Variants in PIK3CA observed in about 807,000 individuals in gnomAD.
The protein encoded by PIK3CA is phosphatidylinositol 4,5-bisphosphate 3-kinase catalytic subunit alpha isoform.
Under a neutral mutation model 138.2 loss-of-function variants are expected in PIK3CA, and 27 were observed. The observed-to-expected ratio is 0.20, with a 90% CI of 0.14 to 0.27. The LOEUF (loss-of-function observed/expected upper bound fraction) is 0.27, where lower values mean the gene tolerates loss of function less well. PIK3CA is among the 10% of genes least tolerant of loss of function. The pLI is 1.00. For missense variants in PIK3CA, 544 were observed against 1,277.4 expected, an observed-to-expected ratio of 0.43 and a Z score of 8.75; for synonymous variants, 358 against 413.2, an observed-to-expected ratio of 0.87 and a Z score of 1.62.
intron 7 of PIK3CA, among the ~76,000 whole-genome samples, chr3:179,209,964 A>G (rs1724666268): frequency 6.6e-6 from 1 of 152,142 alleles, no homozygotes; most frequent in African/African-American, 2.4e-5. Context: ...CAAATATCTC[A>G]TGCTTGCTTT....
At position 179,235,176 on chromosome 3, in the gene PIK3CA, G is replaced by A. The variant is rs1725309041; in HGVS notation, c.*812G>A. 5.4e-6 allele frequency: 1 copy of A among 185,914 alleles called. No homozygotes were observed. Among genetic ancestry groups the A allele is most frequent in the South Asian group, 2.0e-4 (1 of 5,074 alleles). 11.5% of individuals were successfully genotyped at this position (185,914 alleles called of 1,614,324 possible). A position where few individuals can be genotyped will look rare whatever the true frequency, so the allele number is the denominator to read the frequency against. On this transcript the variant is annotated 3_prime_UTR_variant, in exon 21 of 21. Transcript: ENST00000263967. The stretch of plus-strand genomic sequence containing the variant: ...ATGAGCAGGAATAGTTCTTATTCCA[G>A]AATTGTACAGTATTCACCTTAAGTT...
intron 10 of PIK3CA, among the ~76,000 whole-genome samples, chr3:179,218,962 A>G (rs545070460): frequency 6.6e-6 from 1 of 152,218 alleles, no homozygotes; most frequent in South Asian, 2.1e-4. Flanking sequence ...GTAAGTACTT[A>G]TAATCCATTT....
chr3:179,209,741 A>G (rs768261379), intron 7 of PIK3CA, 41 bp downstream of exon 7: 2 of 1,161,718 alleles, frequency 1.7e-6, no homozygotes, highest in South Asian at 2.9e-5. Flanking sequence ...TACCTTTAAA[A>G]ACTCCTGATT....
intron 9 of PIK3CA, among the ~76,000 whole-genome samples, chr3:179,213,684 T>C (rs778107439): frequency 3.3e-5 from 5 of 152,244 alleles, no homozygotes; most frequent in Non-Finnish European, 7.3e-5. Context: ...TCTCAAAACC[T>C]GACGTTACAG....
chr3:179,178,618 G>A (rs1253848180), intron 1 of PIK3CA, among the ~76,000 whole-genome samples: 1 of 152,152 alleles, frequency 6.6e-6, no homozygotes, highest in African/African-American at 2.4e-5. Flanking sequence ...TAATGTGTCA[G>A]GAGGTTCCCA....
At chr3:179,190,159 G>A (rs538316149) in intron 1 of PIK3CA, among the ~76,000 whole-genome samples, 2 of 152,086 alleles carry the variant, frequency 1.3e-5, no homozygotes, top group African/African-American at 2.4e-5. Flanking sequence ...TTAACCATCC[G>A]TTTCCTACTA....
At chr3:179,149,069 C>T (rs974979653) in intron 1 of PIK3CA, among the ~76,000 whole-genome samples, 15 of 152,148 alleles carry the variant, frequency 9.9e-5, no homozygotes, top group African/African-American at 3.6e-4. Context: ...GGACTCCGGC[C>T]CCGCCAGCCT....
rs9833206 is a variant in PIK3CA, at chr3:179,203,959, C to A, written c.1059+170C>A. On this transcript the variant is annotated intron_variant, in intron 5 of 20. Transcript: ENST00000263967. ...AGAATTTTACTTGAGCTTCCATCTACCTTAGCTATTATACAGCTCACAGTC... is the reference window on the plus strand; with the variant it reads ...AGAATTTTACTTGAGCTTCCATCTAACTTAGCTATTATACAGCTCACAGTC... 0.1 allele frequency among the ~76,000 whole-genome samples: 15,285 copies of A among 152,166 alleles called. 1,191 individuals are homozygous for A. Among genetic ancestry groups the A allele is most frequent in the African/African-American group, 0.21 (8,754 of 41,462 alleles).
rs200576034 is a variant in PIK3CA at position 179,210,517 on chromosome 3, T to C, written c.1491T>C (p.Asn497=). 3.7e-6 allele frequency: 6 copies of C among 1,614,060 alleles called. 1 individual carries two copies. The highest frequency in any genetic ancestry group is 3.3e-5 in the Admixed American group (2 of 60,020). Residue 497 remains asparagine (N), a synonymous_variant, in exon 9 of 21, where the codon AAT becomes AAC. Transcript: ENST00000263967. ...PDMSVIEEHA[N]WSVSREAGFS... The stretch of plus-strand genomic sequence containing the variant: ...TGTCAGTGATTGAAGAGCATGCCAA[T>C]TGGTCTGTATCCCGAGAAGCAGGAT...
chr3:179,148,171 G>GC (rs1306972199), upstream of PIK3CA: 1 of 123,630 alleles, frequency 8.1e-6, no homozygotes, highest in Admixed American at 7.7e-5. Context: ...TGCCGGAGGA[G>GC]GGGGGGGGCC....
At chr3:179,158,462 T>C (rs1723193793) in intron 1 of PIK3CA, among the ~76,000 whole-genome samples, 1 of 152,072 alleles carries the variant, frequency 6.6e-6, no homozygotes, top group African/African-American at 2.4e-5. Flanking sequence ...GCAGTTTTGT[T>C]TTGTGCTGTT....
In PIK3CA at chr3:179,218,553, T is replaced by C. The variant is rs189214375; in HGVS notation, c.1664+219T>C. Among the ~76,000 whole-genome samples, 63 of 152,196 alleles carry C rather than the reference T, an allele frequency of 4.1e-4. 1 individual carries two copies. Among genetic ancestry groups the C allele is most frequent in the African/African-American group, 1.4e-3 (59 of 41,588 alleles). On this transcript the variant is annotated intron_variant, in intron 10 of 20. Transcript: ENST00000263967. Reference sequence around the variant, plus strand: ...CATTGGTAGTTGGCACATTAAATGCTTTTTCTTACTCTGAATTCCTGATAT... The same window carrying C: ...CATTGGTAGTTGGCACATTAAATGCCTTTTCTTACTCTGAATTCCTGATAT...
intron 6 of PIK3CA, among the ~76,000 whole-genome samples, chr3:179,208,149 A>C (rs1033051190): frequency 3.9e-5 from 6 of 152,198 alleles, no homozygotes; most frequent in African/African-American, 1.4e-4. Context: ...TCTTGTTTCT[A>C]TAAATAGACC....
At chr3:179,171,026 G>A (rs1207113847) in intron 1 of PIK3CA, among the ~76,000 whole-genome samples, 4 of 152,102 alleles carry the variant, frequency 2.6e-5, no homozygotes, top group Non-Finnish European at 5.9e-5. Context: ...TAGCCAGGGT[G>A]AATAGTATAC....
chr3:179,217,911 ATC>A (rs1454926248), intron 9 of PIK3CA, among the ~76,000 whole-genome samples: 2 of 152,066 alleles, frequency 1.3e-5, no homozygotes, highest in Non-Finnish European at 2.9e-5. Context: ...GTTCACTACC[ATC>A]CTCTAGTATC....
intron 1 of PIK3CA, among the ~76,000 whole-genome samples, chr3:179,185,820 C>T (rs1199896247): frequency 6.6e-6 from 1 of 152,226 alleles, no homozygotes; most frequent in Non-Finnish European, 1.5e-5. Context: ...TGTGGAGCTT[C>T]TGTGCCCTCT....
At chr3:179,152,903 C>G (rs187077650) in intron 1 of PIK3CA, among the ~76,000 whole-genome samples, 2 of 152,152 alleles carry the variant, frequency 1.3e-5, no homozygotes, top group East Asian at 1.9e-4. Flanking sequence ...TAGCAAGTGC[C>G]AAACTATTCA....
intron 1 of PIK3CA, among the ~76,000 whole-genome samples, chr3:179,155,234 G>A (rs1017938160): frequency 1.5e-4 from 23 of 152,202 alleles, no homozygotes; most frequent in African/African-American, 5.5e-4. Context: ...ACAATGTTGT[G>A]TTTATTGTAT....
At position 179,239,090 on chromosome 3, in the gene PIK3CA, T is replaced by A. The variant is rs966898491; in HGVS notation, c.*4726T>A. The A allele has an allele frequency of 4.6e-6, 1 of 216,362 alleles. No individual in the cohort carries two copies. The highest frequency in any genetic ancestry group is 9.3e-6 in the Non-Finnish European group (1 of 107,434). 13.4% of individuals were successfully genotyped at this position (216,362 alleles called of 1,614,324 possible). On this transcript the variant is annotated 3_prime_UTR_variant, in exon 21 of 21. Coordinates refer to ENST00000263967, the MANE Select transcript of PIK3CA (RefSeq NM_006218.4). Reference sequence around the variant, plus strand: ...TTGTACACAACTACATATAAGAGTTTTAGTGGAGGAAAAAAATTAGTCCCT... The same window carrying A: ...TTGTACACAACTACATATAAGAGTTATAGTGGAGGAAAAAAATTAGTCCCT...
Sources: gnomAD v4.1 joint callset for allele counts (sites outside exome capture counted in the v4.1 genomes callset) on GRCh38, gnomAD v4.1.1 for gene constraint, MANE v1.5 for transcripts, NCBI Gene and HGNC (gene_info 2026-07-23, HGNC 2026-07-21) for gene names.